RBFOX1: variants seen among roughly 807,000 people sequenced by gnomAD.
RBFOX1 encodes the protein RNA binding protein fox-1 homolog 1.
Under a neutral mutation model 57.7 loss-of-function variants are expected in RBFOX1, and 8 were observed. That is an observed-to-expected ratio of 0.14 (90% confidence interval 0.08 to 0.25). RBFOX1 has a LOEUF of 0.25. Among genes scored for constraint, RBFOX1 ranks in the 10% least tolerant of loss-of-function variants. The pLI, the probability that RBFOX1 is intolerant of heterozygous loss-of-function variation, is 1.00. For missense variants in RBFOX1, 611 were observed against 548.5 expected, an observed-to-expected ratio of 1.11 and a Z score of -1.14; for synonymous variants, 326 against 222.4, an observed-to-expected ratio of 1.47 and a Z score of -4.15.
chr16:5,866,658 G>A (rs1360485258), intron 3 of RBFOX1, among the ~76,000 whole-genome samples: 1 of 152,154 alleles, frequency 6.6e-6, no homozygotes, highest in African/African-American at 2.4e-5. Context: ...TTTATGTTGG[G>A]TTTAAATCTA....
intron 4 of RBFOX1, among the ~76,000 whole-genome samples, chr16:7,285,865 A>C (rs1366239975): frequency 6.6e-6 from 1 of 152,236 alleles, no homozygotes; most frequent in Non-Finnish European, 1.5e-5. Context: ...GTTTTGTGTG[A>C]ACACAAGATT....
At chr16:6,166,733 TGAA>T (rs1179930660) in intron 1 of RBFOX1, among the ~76,000 whole-genome samples, 1 of 152,142 alleles carries the variant, frequency 6.6e-6, no homozygotes, top group Non-Finnish European at 1.5e-5. Context: ...TGGGTTACTC[TGAA>T]GAGCCTCAGT....
intron 2 of RBFOX1, among the ~76,000 whole-genome samples, chr16:5,520,566 A>T (rs543133974): frequency 7.2e-5 from 11 of 152,208 alleles, no homozygotes; most frequent in African/African-American, 2.7e-4. Flanking sequence ...CTGGGATGCA[A>T]TGCAATGGCT....
At chr16:7,036,087 G>A (rs1198312236) in intron 3 of RBFOX1, among the ~76,000 whole-genome samples, 1 of 152,162 alleles carries the variant, frequency 6.6e-6, no homozygotes, top group Non-Finnish European at 1.5e-5. Flanking sequence ...GATCTCTTCA[G>A]ATGCGAAAGT....
chr16:5,289,344 A>G, intron 1 of RBFOX1: 1 of 363,228 alleles, frequency 2.8e-6, no homozygotes, highest in Non-Finnish European at 5.3e-6. Context: ...GCATCACCCC[A>G]GGAGGAGGAG....
At chr16:6,830,330 T>A (rs1479078380) in intron 3 of RBFOX1, among the ~76,000 whole-genome samples, 1 of 152,234 alleles carries the variant, frequency 6.6e-6, no homozygotes, top group Admixed American at 6.5e-5. Context: ...TCCTGGTTAG[T>A]TCCTAACATT....
intron 3 of RBFOX1, among the ~76,000 whole-genome samples, chr16:6,826,518 G>C (rs948908347): frequency 6.6e-6 from 1 of 152,176 alleles, no homozygotes; most frequent in African/African-American, 2.4e-5. Context: ...CGTTCCATAA[G>C]TGGCAGTGTG....
At chr16:5,380,639 A>G (rs2066107680) in intron 1 of RBFOX1, among the ~76,000 whole-genome samples, 1 of 152,196 alleles carries the variant, frequency 6.6e-6, no homozygotes, top group South Asian at 2.1e-4. Flanking sequence ...AGGCATTATT[A>G]CATTTCATCC....
intron 1 of RBFOX1, among the ~76,000 whole-genome samples, chr16:6,274,748 T>G (rs2075611479): frequency 6.6e-6 from 1 of 152,188 alleles, no homozygotes; most frequent in Admixed American, 6.5e-5. Context: ...GAATCTAGAA[T>G]TATCTCAGAA....
intron 4 of RBFOX1, among the ~76,000 whole-genome samples, chr16:7,097,178 G>A (rs7203983): frequency 0.21 from 31,972 of 151,994 alleles, 4,212 homozygotes; most frequent in African/African-American, 0.37. Flanking sequence ...TTTCCAAGAA[G>A]GTGTCTTCTC....
At chr16:7,490,670 G>T (rs115947461) in intron 4 of RBFOX1, among the ~76,000 whole-genome samples, 1 of 152,218 alleles carries the variant, frequency 6.6e-6, no homozygotes, top group East Asian at 1.9e-4. Flanking sequence ...ACTATGGTCT[G>T]TGCTAGTTCA....
chr16:6,613,656 C>T (rs369896887), intron 2 of RBFOX1, among the ~76,000 whole-genome samples: 1 of 152,088 alleles, frequency 6.6e-6, no homozygotes, highest in Non-Finnish European at 1.5e-5. Context: ...TGTAGAGTAA[C>T]ATAAGTAGTG....
intron 2 of RBFOX1, among the ~76,000 whole-genome samples, chr16:6,543,210 G>A (rs2096848320): frequency 6.6e-6 from 1 of 152,138 alleles, no homozygotes; most frequent in African/African-American, 2.4e-5. Flanking sequence ...GGATGCACTA[G>A]GCTTAATGTT....
At chr16:5,977,879 C>G (rs574468482) in intron 4 of RBFOX1, among the ~76,000 whole-genome samples, 1 of 151,956 alleles carries the variant, frequency 6.6e-6, no homozygotes, top group Non-Finnish European at 1.5e-5. Flanking sequence ...ATGAACATCA[C>G]AGGCTTAGAC....
chr16:6,780,197 ATT>A lies in RBFOX1; in HGVS notation c.-16+125551_-16+125552del, dbSNP rs1380509425. Among the ~76,000 whole-genome samples, 29 of 29,406 alleles carry A rather than the reference ATT, an allele frequency of 9.9e-4. 3 individuals are homozygous for A. The highest frequency in any genetic ancestry group is 7.8e-3 in the African/African-American group (25 of 3,192). The allele number at this position is 29,406 out of a possible 152,430, so 19.3% of individuals were successfully genotyped here. A position where few individuals can be genotyped will look rare whatever the true frequency, so the allele number is the denominator to read the frequency against. ...TATATATTTATATATATATTTATATATTTTTATATATTTATATATATTTATAT... is the reference window on the plus strand; with the variant it reads ...TATATATTTATATATATATTTATATATTTATATATTTATATATATTTATAT... On this transcript the variant is annotated intron_variant, in intron 3 of 15. Coordinates refer to ENST00000550418, the MANE Select transcript of RBFOX1 (RefSeq NM_018723.4).
intron 4 of RBFOX1, among the ~76,000 whole-genome samples, chr16:7,438,281 G>A (rs1035853594): frequency 7.2e-5 from 11 of 152,138 alleles, no homozygotes; most frequent in African/African-American, 2.7e-4. Context: ...TGTTTGCCAG[G>A]GATGGGGATG....
chr16:6,618,568 TG>T (rs1567907568), intron 2 of RBFOX1, among the ~76,000 whole-genome samples: 1 of 152,212 alleles, frequency 6.6e-6, no homozygotes, highest in African/African-American at 2.4e-5. Context: ...AATGCTGACA[TG>T]ATACTCGTTT....
chr16:6,095,369 C>T (rs1262846524), intron 1 of RBFOX1, among the ~76,000 whole-genome samples: 6 of 152,204 alleles, frequency 3.9e-5, no homozygotes, highest in African/African-American at 1.4e-4. Context: ...GCTCATGAAA[C>T]TCCAACACCT....
intron 2 of RBFOX1, among the ~76,000 whole-genome samples, chr16:6,588,006 G>T (rs533348062): frequency 1.4e-4 from 22 of 152,180 alleles, no homozygotes; most frequent in African/African-American, 4.6e-4. Context: ...GAGGAGAATG[G>T]ATCACCTGAG....
Sources: gnomAD v4.1 joint callset for allele counts (sites outside exome capture counted in the v4.1 genomes callset) on GRCh38, gnomAD v4.1.1 for gene constraint, MANE v1.5 for transcripts, NCBI Gene and HGNC (gene_info 2026-07-23, HGNC 2026-07-21) for gene names.